Variants in WDR49 observed in about 807,000 individuals in gnomAD.
WDR49 encodes the protein cilia- and flagella-associated protein 337.
WDR49 carries 107 observed loss-of-function variants against 119.5 expected under a neutral mutation model. The observed-to-expected ratio is 0.90, with a 90% confidence interval of 0.77 to 1.05. WDR49 has a LOEUF of 1.05. Ranked by LOEUF, WDR49 falls within the 50% of genes least tolerant of loss-of-function variation. The probability of loss-of-function intolerance (pLI) is 0.00; values close to 1 mark genes in which losing one functional copy is unlikely to be tolerated. For synonymous variants in WDR49, 425 were observed against 418.8 expected (o/e 1.01, Z -0.18); for missense variants, 1,240 against 1,220.5 (o/e 1.02, Z -0.24).
chr3:167,566,552 T>A (rs1167847942), intron 8 of WDR49, among the ~76,000 whole-genome samples: 2 of 152,166 alleles, frequency 1.3e-5, no homozygotes, highest in Admixed American at 6.5e-5. Context: ...TATTAAATAT[T>A]ACATATCTAT....
chr3:167,534,914 A>G (rs753662861), intron 11 of WDR49, among the ~76,000 whole-genome samples: 3 of 152,184 alleles, frequency 2.0e-5, no homozygotes, highest in Non-Finnish European at 4.4e-5. Flanking sequence ...TGAAACATCT[A>G]AGTGCCACCA....
At chr3:167,509,592 A>G (rs1751889678) in intron 16 of WDR49, among the ~76,000 whole-genome samples, 2 of 152,328 alleles carry the variant, frequency 1.3e-5, no homozygotes, top group Non-Finnish European at 2.9e-5. Flanking sequence ...AACCATTTGT[A>G]TTGCTGCTGG....
intron 16 of WDR49, among the ~76,000 whole-genome samples, chr3:167,506,889 G>A (rs1004454627): frequency 6.6e-6 from 1 of 151,964 alleles, no homozygotes. Context: ...CCTCAGTTTG[G>A]GTTTGTCTGA....
intron 7 of WDR49, among the ~76,000 whole-genome samples, chr3:167,581,745 A>T (rs1714539929): frequency 6.6e-6 from 1 of 152,222 alleles, no homozygotes; most frequent in African/African-American, 2.4e-5. Flanking sequence ...AGGGGTATAA[A>T]TAGATGTGTG....
intron 9 of WDR49, among the ~76,000 whole-genome samples, chr3:167,559,159 C>A (rs73029915): frequency 0.043 from 6,594 of 152,178 alleles, 237 homozygotes; most frequent in African/African-American, 0.09. Context: ...TCCCTGAATA[C>A]CTAAACTTCT....
chr3:167,510,451 T>G (rs1751928714), intron 16 of WDR49, among the ~76,000 whole-genome samples: 1 of 152,180 alleles, frequency 6.6e-6, no homozygotes, highest in Non-Finnish European at 1.5e-5. Context: ...TTATTTATTT[T>G]TTTAGAAGTT....
chr3:167,495,373 AT>A (rs1451855020), intron 18 of WDR49, among the ~76,000 whole-genome samples: 1 of 152,070 alleles, frequency 6.6e-6, no homozygotes, highest in Middle Eastern at 3.2e-3. Flanking sequence ...TATATATATA[AT>A]TTCAGATATA....
intron 7 of WDR49, among the ~76,000 whole-genome samples, chr3:167,589,898 C>T (rs1715017757): frequency 6.6e-6 from 1 of 151,942 alleles, no homozygotes; most frequent in South Asian, 2.1e-4. Flanking sequence ...AATTTGGATG[C>T]CCTTTTTATA....
At chr3:167,650,968 C>A (rs1718349257) in intron 2 of WDR49, among the ~76,000 whole-genome samples, 2 of 152,284 alleles carry the variant, frequency 1.3e-5, no homozygotes, top group South Asian at 2.1e-4. Context: ...CTCAGGAAAT[C>A]TGACTCCTAG....
At chr3:167,616,617 C>T (rs1716607106) in intron 5 of WDR49, among the ~76,000 whole-genome samples, 2 of 148,498 alleles carry the variant, frequency 1.3e-5, no homozygotes, top group South Asian at 4.4e-4. Flanking sequence ...TAATTAGAGT[C>T]CTATTAAAAA....
At chr3:167,624,794 C>A (rs1717051543) in intron 3 of WDR49, among the ~76,000 whole-genome samples, 1 of 151,978 alleles carries the variant, frequency 6.6e-6, no homozygotes, top group African/African-American at 2.4e-5. Context: ...ATAAAAAAAT[C>A]ATCTGGACTA....
chr3:167,573,666 C>T (rs904070749), intron 8 of WDR49, among the ~76,000 whole-genome samples: 27 of 152,196 alleles, frequency 1.8e-4, no homozygotes, highest in South Asian at 1.0e-3. Flanking sequence ...TTTGACCTCC[C>T]AGATTCCCTG....
At chr3:167,601,405 T>C (rs115482824) in intron 7 of WDR49, among the ~76,000 whole-genome samples, 3,047 of 152,264 alleles carry the variant, frequency 0.02, 43 homozygotes, top group Non-Finnish European at 0.03. Context: ...TCAATACACT[T>C]TATATGCACC....
rs147174478 is a variant in WDR49, at chr3:167,606,791, G to T, written c.959-2323C>A. 2.0e-5 allele frequency among the ~76,000 whole-genome samples: 3 copies of T among 152,292 alleles called. No homozygotes were observed. The East Asian group carries it at 5.8e-4, about 29-fold the overall frequency. On this transcript the variant is annotated intron_variant, in intron 5 of 18. Transcript: ENST00000682715. ...GTGTTATAAGGGCAGAGAGGGCAGT[G>T]AGTGACCCCTTTCCTCCTCATTATA...
In WDR49 at chr3:167,505,287, T is replaced by G. The variant is rs531711214; in HGVS notation, c.2884+20A>C. ...GTTAAATAATATTATAAAAATACAT[T>G]AACAACAGTGACTACTTACTGAATG... On this transcript the variant is annotated intron_variant, in intron 17 of 18. Coordinates refer to ENST00000682715, the MANE Select transcript of WDR49 (RefSeq NM_001366157.1). The G allele has an allele frequency of 1.4e-6, 2 of 1,464,638 alleles. No individual in the cohort carries two copies. The highest frequency in any genetic ancestry group is 2.6e-5 in the Admixed American group (1 of 37,918). The allele number at this position is 1,464,638 out of a possible 1,614,324, so 90.7% of individuals were successfully genotyped here.
intron 10 of WDR49, among the ~76,000 whole-genome samples, chr3:167,542,742 G>T (rs1421556224): frequency 1.3e-5 from 2 of 150,824 alleles, no homozygotes; most frequent in African/African-American, 4.9e-5. Context: ...AGAGAAACAA[G>T]AAAAAAACAA....
intron 8 of WDR49, among the ~76,000 whole-genome samples, chr3:167,568,740 A>T (rs879944471): frequency 1.1e-4 from 16 of 152,160 alleles, no homozygotes; most frequent in Admixed American, 1.0e-3. Flanking sequence ...AGTTTATGGT[A>T]CTGCAATAAA....
intron 18 of WDR49, among the ~76,000 whole-genome samples, chr3:167,479,597 T>C (rs1329739483): frequency 6.6e-6 from 1 of 152,220 alleles, no homozygotes; most frequent in Non-Finnish European, 1.5e-5. Flanking sequence ...TTATACACAA[T>C]GTTCTGTGTT....
intron 2 of WDR49, among the ~76,000 whole-genome samples, 171 bp downstream of exon 2, chr3:167,653,090 C>A (rs954957957): frequency 1.4e-4 from 21 of 152,122 alleles, no homozygotes; most frequent in African/African-American, 4.8e-4. Flanking sequence ...AACTGAGGGG[C>A]AAAGCTACCA....
Sources: gnomAD v4.1 joint callset for allele counts (sites outside exome capture counted in the v4.1 genomes callset) on GRCh38, gnomAD v4.1.1 for gene constraint, MANE v1.5 for transcripts, NCBI Gene and HGNC (gene_info 2026-07-23, HGNC 2026-07-21) for gene names.